Variants in SYTL3 observed in about 807,000 individuals in gnomAD.
SYTL3 encodes synaptotagmin-like protein 3.
A neutral mutation model predicts 82.1 loss-of-function variants in SYTL3; 88 were observed. The observed-to-expected ratio is 1.07, with a 90% confidence interval of 0.90 to 1.28. The LOEUF (loss-of-function observed/expected upper bound fraction) is 1.28. Ranked by LOEUF, SYTL3 falls within the 50% of genes most tolerant of loss-of-function variation. SYTL3 has a pLI of 0.00. For synonymous variants in SYTL3, 311 were observed against 289.4 expected (o/e 1.07, Z -0.76); for missense variants, 831 against 757.6 (o/e 1.10, Z -1.14).
At chr6:158,721,441 G>C (rs535813397) in intron 10 of SYTL3, among the ~76,000 whole-genome samples, 1 of 151,428 alleles carries the variant, frequency 6.6e-6, no homozygotes, top group Non-Finnish European at 1.5e-5. Context: ...AAACTCCTGG[G>C]CTCAAGCAAT....
chr6:158,746,728 T>C (rs1198499215), intron 12 of SYTL3, among the ~76,000 whole-genome samples: 2 of 151,622 alleles, frequency 1.3e-5, no homozygotes, highest in Admixed American at 6.6e-5. Flanking sequence ...CCTCCCAAAG[T>C]GCTGGGATTA....
At chr6:158,737,801 T>G (rs1786401473) in intron 11 of SYTL3, among the ~76,000 whole-genome samples, 1 of 152,206 alleles carries the variant, frequency 6.6e-6, no homozygotes, top group African/African-American at 2.4e-5. Flanking sequence ...TGCTCTGCTC[T>G]CCTTTCATTA....
intron 15 of SYTL3, among the ~76,000 whole-genome samples, chr6:158,761,119 C>G (rs889756394): frequency 6.6e-6 from 1 of 151,994 alleles, no homozygotes; most frequent in Non-Finnish European, 1.5e-5. Context: ...AGGGCTCAGA[C>G]GAGATAAATC....
intron 5 of SYTL3, among the ~76,000 whole-genome samples, chr6:158,680,897 C>T (rs1778616329): frequency 6.6e-6 from 1 of 152,138 alleles, no homozygotes; most frequent in Admixed American, 6.5e-5. Flanking sequence ...TATCTTCTCA[C>T]AATTACTAGC....
intron 4 of SYTL3, 175 bp downstream of exon 4, chr6:158,663,553 C>G (rs1409906555): frequency 2.0e-6 from 2 of 985,172 alleles, no homozygotes; most frequent in Admixed American, 1.2e-4. Flanking sequence ...CCTTATGTAA[C>G]TAAACGTAGA....
At chr6:158,674,322 G>A (rs533218737) in intron 5 of SYTL3, among the ~76,000 whole-genome samples, 22 of 152,010 alleles carry the variant, frequency 1.4e-4, no homozygotes, top group African/African-American at 2.9e-4. Flanking sequence ...TAGTCCCACC[G>A]TCTCTTCATC....
chr6:158,754,299 A>G (rs1408706373), intron 13 of SYTL3, among the ~76,000 whole-genome samples: 3 of 152,180 alleles, frequency 2.0e-5, no homozygotes, highest in Non-Finnish European at 2.9e-5. Flanking sequence ...GGATGAAGTG[A>G]TCTCACTGGG....
intron 13 of SYTL3, among the ~76,000 whole-genome samples, chr6:158,753,216 G>A (rs1215524560): frequency 2.0e-5 from 3 of 151,260 alleles, no homozygotes; most frequent in African/African-American, 7.3e-5. Flanking sequence ...TGAGTAGCTG[G>A]GATTAAAGGT....
At chr6:158,655,674 G>A (rs1788587190) in intron 2 of SYTL3, among the ~76,000 whole-genome samples, 1 of 152,188 alleles carries the variant, frequency 6.6e-6, no homozygotes, top group Non-Finnish European at 1.5e-5. Flanking sequence ...GTACTTATGA[G>A]CTGAGCACTG....
intron 6 of SYTL3, among the ~76,000 whole-genome samples, chr6:158,704,126 C>T (rs1298741051): frequency 6.1e-5 from 9 of 146,726 alleles, no homozygotes; most frequent in East Asian, 3.9e-4. Context: ...CACACCTGGC[C>T]GGGTTTTACA....
At chr6:158,736,431 CTG>C (rs771612100) in intron 11 of SYTL3, among the ~76,000 whole-genome samples, 23 of 152,080 alleles carry the variant, frequency 1.5e-4, no homozygotes, top group Non-Finnish European at 2.2e-4. Flanking sequence ...ATTATTCTAA[CTG>C]TATAAATTTC....
chr6:158,757,730 G>A (rs565237675), intron 14 of SYTL3, among the ~76,000 whole-genome samples: 4 of 152,350 alleles, frequency 2.6e-5, no homozygotes, highest in East Asian at 1.9e-4. Flanking sequence ...GGCACCGCCC[G>A]CAGCTATGCG....
At chr6:158,737,607 G>A (rs555434858) in intron 11 of SYTL3, among the ~76,000 whole-genome samples, 1 of 152,174 alleles carries the variant, frequency 6.6e-6, no homozygotes, top group Admixed American at 6.5e-5. Flanking sequence ...ATAAAAGTCA[G>A]GCTGAGTTTT....
intron 2 of SYTL3, among the ~76,000 whole-genome samples, chr6:158,659,410 C>T (rs543236499): frequency 5.1e-4 from 78 of 152,214 alleles, no homozygotes; most frequent in African/African-American, 1.8e-3. Flanking sequence ...GGCTGGAGTG[C>T]GATGGTGCGA....
intron 6 of SYTL3, among the ~76,000 whole-genome samples, chr6:158,692,939 A>G (rs998783247): frequency 6.6e-6 from 1 of 150,594 alleles, no homozygotes; most frequent in Non-Finnish European, 1.5e-5. Context: ...CGACAGAGCG[A>G]GACTCCGTCT....
At chr6:158,702,035 C>G (rs886511385) in intron 6 of SYTL3, among the ~76,000 whole-genome samples, 1 of 151,878 alleles carries the variant, frequency 6.6e-6, no homozygotes, top group African/African-American at 2.4e-5. Context: ...TGCAGTGCTG[C>G]GATTATAGCT....
chr6:158,698,346 G>A (rs1461782127), intron 6 of SYTL3, among the ~76,000 whole-genome samples: 1 of 142,518 alleles, frequency 7.0e-6, no homozygotes, highest in East Asian at 2.1e-4. Context: ...GCAGTGAGCC[G>A]AGATCACACC....
chr6:158,745,891 G>A (rs1787576773), intron 12 of SYTL3, among the ~76,000 whole-genome samples: 1 of 152,184 alleles, frequency 6.6e-6, no homozygotes, highest in South Asian at 2.1e-4. Context: ...TAGCGTATAT[G>A]AAAACTTACA....
intron 6 of SYTL3, among the ~76,000 whole-genome samples, chr6:158,692,752 G>A (rs1411870145): frequency 6.7e-6 from 1 of 148,824 alleles, no homozygotes; most frequent in African/African-American, 2.5e-5. Flanking sequence ...CTTGGCTAAC[G>A]TGGTGAAATC....
Sources: allele counts gnomAD v4.1 joint callset (sites outside exome capture counted in the v4.1 genomes callset), GRCh38; gene constraint gnomAD v4.1.1; transcripts MANE v1.5; gene names NCBI Gene and HGNC (gene_info 2026-07-23, HGNC 2026-07-21).